Variants in TMCC1 observed in about 807,000 individuals in gnomAD.
TMCC1 encodes the protein transmembrane and coiled-coil domain family 1, also known as transmembrane and coiled-coil domains protein 1.
Under a neutral mutation model 52.4 loss-of-function variants are expected in TMCC1, and 15 were observed. The observed-to-expected ratio is 0.29, with a 90% CI of 0.19 to 0.44. The LOEUF is 0.44. Among genes scored for constraint, TMCC1 ranks in the 20% least tolerant of loss-of-function variants. The pLI, the probability that TMCC1 is intolerant of heterozygous loss-of-function variation, is 1.00. For synonymous variants in TMCC1, 279 were observed against 301.9 expected, an observed-to-expected ratio of 0.92 and a Z score of 0.79; for missense variants, 503 against 806.0, an observed-to-expected ratio of 0.62 and a Z score of 4.55.
At chr3:129,889,601 T>C (rs2061870348) in intron 1 of TMCC1, among the ~76,000 whole-genome samples, 1 of 152,192 alleles carries the variant, frequency 6.6e-6, no homozygotes. Flanking sequence ...AATGTTTCTG[T>C]AAATCTAAAT....
chr3:129,887,273 C>T (rs2061751339), intron 1 of TMCC1, among the ~76,000 whole-genome samples: 1 of 151,794 alleles, frequency 6.6e-6, no homozygotes, highest in Admixed American at 6.6e-5. Flanking sequence ...GCTAGGTGCA[C>T]TGGCTCATGC....
intron 4 of TMCC1, among the ~76,000 whole-genome samples, chr3:129,682,081 T>C (rs1347801402): frequency 6.6e-6 from 1 of 152,142 alleles, no homozygotes; most frequent in Non-Finnish European, 1.5e-5. Flanking sequence ...TAAGTTTTTC[T>C]GTTATTTTGC....
chr3:129,759,751 T>C (rs1230315690), intron 4 of TMCC1, among the ~76,000 whole-genome samples: 11 of 137,216 alleles, frequency 8.0e-5, no homozygotes, highest in African/African-American at 3.1e-4. Context: ...AGACGGAGTG[T>C]CGTTCTGTCA....
At chr3:129,825,167 G>A (rs1576996846) in intron 4 of TMCC1, among the ~76,000 whole-genome samples, 3 of 152,104 alleles carry the variant, frequency 2.0e-5, no homozygotes, top group South Asian at 4.1e-4. Flanking sequence ...CCTTTTCCCC[G>A]CTTCATTTCT....
Position 129,651,173 on chromosome 3 carries a change from T to G in TMCC1, c.*308A>C. 3.2e-6 allele frequency: 1 copy of G among 314,720 alleles called. No individual in the cohort carries two copies. Among genetic ancestry groups the G allele is most frequent in the Non-Finnish European group, 6.0e-6 (1 of 167,676 alleles). 19.5% of individuals were successfully genotyped at this position (314,720 alleles called of 1,614,324 possible). A position where few individuals can be genotyped will look rare whatever the true frequency, so the allele number is the denominator to read the frequency against. ...TTAGTGCAGTCCTTCAAGCCACAAT[T>G]TAGATTGCCCTTCGGTGTGCTCCAG... On this transcript the variant is annotated 3_prime_UTR_variant, in exon 7 of 7. Transcript: ENST00000393238. The surrounding 1 kb of genome is among the most constrained non-coding windows in gnomAD (Gnocchi z 5.1).
At chr3:129,838,091 A>G (rs2059246615) in intron 2 of TMCC1, among the ~76,000 whole-genome samples, 1 of 152,212 alleles carries the variant, frequency 6.6e-6, no homozygotes, top group South Asian at 2.1e-4. Flanking sequence ...GTGATAAGAC[A>G]CTAAACTACA....
At chr3:129,782,597 A>T (rs1459887278) in intron 4 of TMCC1, among the ~76,000 whole-genome samples, 1 of 152,170 alleles carries the variant, frequency 6.6e-6, no homozygotes, top group Admixed American at 6.5e-5. Flanking sequence ...TTAGAATGGT[A>T]CTAACGGATA....
At chr3:129,769,459 A>G (rs1274181916) in intron 4 of TMCC1, among the ~76,000 whole-genome samples, 1 of 151,084 alleles carries the variant, frequency 6.6e-6, no homozygotes, top group Non-Finnish European at 1.5e-5. Context: ...CGAACTCATG[A>G]CCTCAGGTGA....
intron 6 of TMCC1, among the ~76,000 whole-genome samples, chr3:129,654,304 G>A (rs890551085): frequency 4.6e-5 from 7 of 152,074 alleles, no homozygotes; most frequent in Admixed American, 4.6e-4. Flanking sequence ...ACATAAGCAG[G>A]GCCTGAAGAA....
intron 2 of TMCC1, among the ~76,000 whole-genome samples, chr3:129,871,086 C>T (rs1006841331): frequency 1.3e-5 from 2 of 151,872 alleles, no homozygotes; most frequent in South Asian, 2.1e-4. Context: ...TGCCTGGGCG[C>T]GGTGGCTCAC....
In TMCC1 at chr3:129,875,506, A is replaced by C. The variant is rs1253816690; in HGVS notation, c.-184+4803T>G. ...ACTCCATCTCAAAAAAAAAAAAAAA[A>C]AAAAAAAAAACAACACAAACACACC... On this transcript the variant is annotated intron_variant, in intron 2 of 6. Coordinates refer to ENST00000393238, the MANE Select transcript of TMCC1 (RefSeq NM_001017395.5). Among the ~76,000 whole-genome samples, 7 of 150,586 alleles carry C rather than the reference A, an allele frequency of 4.6e-5. No homozygotes were observed. In the South Asian group the frequency reaches 8.4e-4, roughly 18 times the overall value.
chr3:129,696,740 C>T (rs1456774202), intron 4 of TMCC1, among the ~76,000 whole-genome samples: 3 of 152,174 alleles, frequency 2.0e-5, no homozygotes, highest in South Asian at 2.1e-4. Flanking sequence ...TGGGTAAATA[C>T]ACCCATTCCA....
At chr3:129,669,326 G>A (rs1245336163) in intron 5 of TMCC1, among the ~76,000 whole-genome samples, 4 of 152,170 alleles carry the variant, frequency 2.6e-5, no homozygotes, top group Non-Finnish European at 5.9e-5. Flanking sequence ...CAGAACCCAG[G>A]TCCTTCAAGG....
intron 5 of TMCC1, among the ~76,000 whole-genome samples, chr3:129,659,571 G>A (rs1006514807): frequency 1.4e-4 from 22 of 152,214 alleles, no homozygotes; most frequent in Non-Finnish European, 2.4e-4. Context: ...AGGTGGTGAG[G>A]AATATATATG....
intron 4 of TMCC1, among the ~76,000 whole-genome samples, chr3:129,739,724 A>C (rs2051290835): frequency 6.6e-6 from 1 of 152,206 alleles, no homozygotes; most frequent in Non-Finnish European, 1.5e-5. Flanking sequence ...GCAGTCTGGC[A>C]ATTAGCATAT....
At chr3:129,698,540 T>C (rs9865676) in intron 4 of TMCC1, among the ~76,000 whole-genome samples, 1,929 of 152,350 alleles carry the variant, frequency 0.013, 40 homozygotes, top group African/African-American at 0.042. Context: ...TTTAACATTT[T>C]ATTGGTTCTT....
intron 4 of TMCC1, among the ~76,000 whole-genome samples, chr3:129,723,413 T>TA (rs200666296): frequency 0.1 from 13,273 of 129,096 alleles, 701 homozygotes; most frequent in Middle Eastern, 0.17. Context: ...TTTTTTTTTT[T>TA]AATTTAATAA....
intron 2 of TMCC1, among the ~76,000 whole-genome samples, chr3:129,842,182 T>C (rs1030314433): frequency 2.6e-5 from 4 of 152,188 alleles, no homozygotes; most frequent in East Asian, 1.9e-4. Context: ...AGTAAGCAGA[T>C]TGGCCAGGCA....
intron 4 of TMCC1, among the ~76,000 whole-genome samples, chr3:129,783,685 T>A (rs1260500368): frequency 6.6e-6 from 1 of 152,236 alleles, no homozygotes; most frequent in Non-Finnish European, 1.5e-5. Flanking sequence ...TTCACATCCA[T>A]TGTTTCATTT....
Sources: gnomAD v4.1 joint callset for allele counts (sites outside exome capture counted in the v4.1 genomes callset) on GRCh38, gnomAD v4.1.1 for gene constraint, Gnocchi (gnomAD v3.1) non-coding constraint, MANE v1.5 for transcripts, NCBI Gene and HGNC (gene_info 2026-07-23, HGNC 2026-07-21) for gene names.